The following ITPR1 variants were observed in gnomAD, a reference collection of about 807,000 sequenced individuals.
ITPR1 encodes inositol 1,4,5-trisphosphate receptor type 1.
A neutral mutation model predicts 318.4 loss-of-function variants in ITPR1; 96 were observed. The observed-to-expected ratio is 0.30, with a 90% confidence interval of 0.26 to 0.36. The LOEUF is 0.36. Ranked by LOEUF, ITPR1 falls within the 10% of genes least tolerant of loss-of-function variation. The pLI is 1.00. For synonymous variants in ITPR1, 1,312 were observed against 1,289.9 expected (o/e 1.02, Z -0.37); for missense variants, 2,440 against 3,460.2 (o/e 0.71, Z 7.40).
At chr3:4,497,107 T>C (rs17706522) in intron 2 of ITPR1, among the ~76,000 whole-genome samples, 32,745 of 152,122 alleles carry the variant, frequency 0.22, 4,086 homozygotes, top group Admixed American at 0.31. Context: ...CATAGCTCAA[T>C]TGATGAATGC....
intron 60 of ITPR1, among the ~76,000 whole-genome samples, chr3:4,827,194 C>T (rs912955099): frequency 2.0e-5 from 3 of 152,186 alleles, no homozygotes; most frequent in East Asian, 1.9e-4. Context: ...CTGCTCCTGC[C>T]CCGACAGCAC....
intron 4 of ITPR1, among the ~76,000 whole-genome samples, chr3:4,619,774 TCCCCTG>T (rs2092550291): frequency 9.7e-6 from 1 of 103,516 alleles, no homozygotes; most frequent in African/African-American, 3.7e-5. Flanking sequence ...TCTTCTGCCC[TCCCCTG>T]CTCTCCTCTG....
intron 44 of ITPR1, among the ~76,000 whole-genome samples, chr3:4,742,510 G>A (rs1272193887): frequency 2.6e-5 from 4 of 152,146 alleles, no homozygotes; most frequent in African/African-American, 4.8e-5. Context: ...GGATGGTGAC[G>A]GTTCCCACCT....
chr3:4,580,293 T>A (rs1373858713), intron 4 of ITPR1, among the ~76,000 whole-genome samples: 1 of 152,166 alleles, frequency 6.6e-6, no homozygotes, highest in Admixed American at 6.5e-5. Context: ...TAACATTAAG[T>A]ATTCAGGAGT....
intron 44 of ITPR1, among the ~76,000 whole-genome samples, chr3:4,744,295 T>C (rs1377852912): frequency 6.6e-6 from 1 of 152,246 alleles, no homozygotes; most frequent in Non-Finnish European, 1.5e-5. Flanking sequence ...CCTCAACAGG[T>C]CCAGATATTC....
chr3:4,802,864 A>G (rs2048325599), intron 54 of ITPR1, among the ~76,000 whole-genome samples: 1 of 151,654 alleles, frequency 6.6e-6, no homozygotes, highest in Non-Finnish European at 1.5e-5. Context: ...AGAAAGAAAG[A>G]GAGAAAGAGA....
chr3:4,788,964 G>A (rs1017929530), intron 52 of ITPR1, among the ~76,000 whole-genome samples: 12 of 152,150 alleles, frequency 7.9e-5, no homozygotes, highest in Admixed American at 3.3e-4. Flanking sequence ...CAGAGCTTTC[G>A]TCTTCTCCGT....
In ITPR1 at chr3:4,693,540, T is replaced by C. The variant is rs773362827; in HGVS notation, c.4080T>C (p.Ser1360=). The C allele has an allele frequency of 9.3e-6, 15 of 1,613,992 alleles. No individual in the cohort carries two copies. In the South Asian group the frequency reaches 1.6e-4, roughly 18 times the overall value. ...DVLVFYNDRA[S]FQTLIQMMRS... is the part of the protein sequence containing the mutation. ...TCGTGTTCTACAACGACAGAGCCTC[T>C]TTCCAGACTCTGATCCAGATGATGC... is the stretch of plus-strand genomic sequence containing the variant. Residue 1360 remains serine, a synonymous_variant, in exon 33 of 62, where the codon TCT becomes TCC. Coordinates refer to ENST00000649015, the MANE Select transcript of ITPR1 (RefSeq NM_001378452.1).
intron 2 of ITPR1, among the ~76,000 whole-genome samples, chr3:4,503,712 CCT>C (rs1371762588): frequency 6.6e-6 from 1 of 152,114 alleles, no homozygotes; most frequent in African/African-American, 2.4e-5. Flanking sequence ...GCAACGGAGA[CCT>C]CTCTGCCCTA....
intron 2 of ITPR1, among the ~76,000 whole-genome samples, chr3:4,507,099 A>ATT (rs201789825): frequency 2.6e-4 from 36 of 137,624 alleles, no homozygotes; most frequent in African/African-American, 2.4e-4. Context: ...AAGAGTAGCA[A>ATT]TTTTTTTTTT....
intron 18 of ITPR1, among the ~76,000 whole-genome samples, chr3:4,668,670 A>G (rs890205618): frequency 6.6e-6 from 1 of 151,912 alleles, no homozygotes; most frequent in Non-Finnish European, 1.5e-5. Flanking sequence ...GTTTCACCAT[A>G]TTGGCCAGGC....
chr3:4,613,667 T>C (rs2092263116), intron 4 of ITPR1, among the ~76,000 whole-genome samples: 1 of 152,160 alleles, frequency 6.6e-6, no homozygotes, highest in South Asian at 2.1e-4. Flanking sequence ...AGCATGTTTT[T>C]CCAGCAGTGC....
intron 4 of ITPR1, among the ~76,000 whole-genome samples, chr3:4,581,729 A>C (rs1444588534): frequency 6.6e-6 from 1 of 152,200 alleles, no homozygotes; most frequent in Admixed American, 6.5e-5. Context: ...ATAACTAAAT[A>C]GTGTACGGCA....
intron 17 of ITPR1, 93 bp from the exon 18 acceptor site, chr3:4,667,284 C>A: frequency 1.0e-6 from 1 of 965,248 alleles, no homozygotes; most frequent in Admixed American, 2.7e-5. Flanking sequence ...GGCAGTAGTT[C>A]TCATCAGGAA....
rs1209947009 is a variant in ITPR1 at position 4,683,385 on chromosome 3, G to A, written c.3162-1G>A. 6.2e-7 allele frequency: 1 copy of A among 1,613,914 alleles called. No homozygotes were observed. Among genetic ancestry groups the A allele is most frequent in the Non-Finnish European group, 8.5e-7 (1 of 1,179,880 alleles). ...CCTTTCCCCACCTTGTGCTCCTTTA[G>A]TGAGGAGAACACCCCACTGGACTTG... On this transcript the variant is annotated splice_acceptor_variant, in intron 26 of 61. Coordinates refer to ENST00000649015, the MANE Select transcript of ITPR1 (RefSeq NM_001378452.1). LOFTEE classifies it high-confidence loss of function.
intron 54 of ITPR1, 76 bp downstream of exon 54, chr3:4,800,676 T>C: frequency 7.0e-7 from 1 of 1,432,842 alleles, no homozygotes; most frequent in Non-Finnish European, 9.7e-7. Flanking sequence ...GTTTCTAGAA[T>C]CCTGGCCTGT....
chr3:4,598,042 T>G (rs2090986004), intron 4 of ITPR1, among the ~76,000 whole-genome samples: 3 of 152,238 alleles, frequency 2.0e-5, no homozygotes, highest in Admixed American at 2.0e-4. Flanking sequence ...GTCTTCCGTT[T>G]CCTGCGTCTT....
chr3:4,578,077 A>G (rs1029510641), intron 4 of ITPR1, among the ~76,000 whole-genome samples: 1 of 152,216 alleles, frequency 6.6e-6, no homozygotes, highest in Admixed American at 6.5e-5. Context: ...TCCAGCTCAT[A>G]GTTTGTTTAT....
chr3:4,609,117 T>C (rs1333449018), intron 4 of ITPR1, among the ~76,000 whole-genome samples: 3 of 132,610 alleles, frequency 2.3e-5, no homozygotes, highest in Non-Finnish European at 4.8e-5. Flanking sequence ...AGTGGTGGTG[T>C]TGAGACATCC....
Sources: gnomAD v4.1 joint callset for allele counts (sites outside exome capture counted in the v4.1 genomes callset) on GRCh38, gnomAD v4.1.1 for gene constraint, MANE v1.5 for transcripts, NCBI Gene and HGNC (gene_info 2026-07-23, HGNC 2026-07-21) for gene names.